Variants in STPG1 observed in about 807,000 individuals in gnomAD.
The protein encoded by STPG1 is sperm tail PG-rich repeat containing 1.
In STPG1, 33 loss-of-function variants were observed where a neutral mutation model predicts 40.1. The ratio of observed to expected loss-of-function variants is 0.82; its 90% CI spans 0.62 to 1.10. STPG1 has a LOEUF of 1.10. STPG1 is among the 50% of genes least tolerant of loss of function. The probability of loss-of-function intolerance (pLI) is 0.00; values close to 1 mark genes in which losing one functional copy is unlikely to be tolerated. For missense variants in STPG1, 396 were observed against 415.1 expected (o/e 0.95, Z 0.40); for synonymous variants, 150 against 155.0 (o/e 0.97, Z 0.24).
chr1:24,372,880 A>G (rs1203782502), intron 6 of STPG1, among the ~76,000 whole-genome samples: 4 of 151,984 alleles, frequency 2.6e-5, no homozygotes, highest in African/African-American at 9.7e-5. Context: ...TGTGGGACCT[A>G]TTTGGGATAA....
chr1:24,409,077 A>G (rs1643516585), intron 1 of STPG1, among the ~76,000 whole-genome samples: 1 of 152,358 alleles, frequency 6.6e-6, no homozygotes, highest in South Asian at 2.1e-4. Flanking sequence ...CTATAAAAGC[A>G]GCCCCTAGGG....
chr1:24,412,349 ACT>A (rs1282592594), intron 1 of STPG1, among the ~76,000 whole-genome samples: 1 of 151,604 alleles, frequency 6.6e-6, no homozygotes, highest in Admixed American at 6.6e-5. Context: ...AATTCACGAG[ACT>A]CTCTGCTCAA....
intron 5 of STPG1, chr1:24,379,347 T>C: frequency 3.5e-6 from 1 of 288,366 alleles, no homozygotes. Flanking sequence ...ATACACCCAT[T>C]GTTACAGATG....
chr1:24,363,959 T>G (rs1386367410), intron 7 of STPG1, among the ~76,000 whole-genome samples: 1 of 152,110 alleles, frequency 6.6e-6, no homozygotes, highest in East Asian at 1.9e-4. Context: ...CTTCTGATAC[T>G]CCCCACTTAC....
chr1:24,390,481 C>T (rs1013293297), intron 3 of STPG1, among the ~76,000 whole-genome samples: 15 of 152,158 alleles, frequency 9.9e-5, no homozygotes, highest in Admixed American at 7.2e-4. Context: ...TCCAGTAGTG[C>T]GATCTCGGCT....
chr1:24,408,080 G>C (rs1040004427), intron 1 of STPG1, among the ~76,000 whole-genome samples: 2 of 152,180 alleles, frequency 1.3e-5, no homozygotes, highest in African/African-American at 4.8e-5. Context: ...TGGGTGCTGG[G>C]TTTTGATATA....
chr1:24,388,977 G>C (rs1469081073), intron 3 of STPG1, among the ~76,000 whole-genome samples: 1 of 152,200 alleles, frequency 6.6e-6, no homozygotes, highest in African/African-American at 2.4e-5. Flanking sequence ...CGGAAAGCCT[G>C]ATTGATGGAT....
rs1241731791 is a variant in STPG1 at position 24,390,725 on chromosome 1, A to C, written c.189+836T>G. ...TGAGCCACTGCACCCGGCTAATAACACATTGTTTAAGGAAGTTTTTTTTGT... is the reference window on the plus strand; with the variant it reads ...TGAGCCACTGCACCCGGCTAATAACCCATTGTTTAAGGAAGTTTTTTTTGT... On this transcript the variant is annotated intron_variant, in intron 3 of 8. Coordinates refer to ENST00000337248, the MANE Select transcript of STPG1 (RefSeq NM_001199013.2). 6.7e-5 allele frequency among the ~76,000 whole-genome samples: 10 copies of C among 148,820 alleles called. No homozygotes were observed. The Admixed American group carries it at 6.8e-4, about 10-fold the overall frequency.
At chr1:24,409,852 A>G (rs1186632199) in intron 1 of STPG1, among the ~76,000 whole-genome samples, 2 of 152,222 alleles carry the variant, frequency 1.3e-5, no homozygotes, top group African/African-American at 4.8e-5. Context: ...CCCAAAGCAC[A>G]AGAGTAGTGA....
At chr1:24,404,366 G>A (rs761770300) in intron 1 of STPG1, among the ~76,000 whole-genome samples, 1 of 152,172 alleles carries the variant, frequency 6.6e-6, no homozygotes, top group Non-Finnish European at 1.5e-5. Context: ...CTGTGTTTAT[G>A]AGGGCTATTA....
At position 24,359,211 on chromosome 1, in the gene STPG1, C is replaced by T. The variant is rs7554389; in HGVS notation, c.929-592G>A. ...AGGCAGATGCCGGCACGTGCACGTG[C>T]CCAGGAAACCCCTCGCAGAAGCCCA... On this transcript the variant is annotated intron_variant, in intron 8 of 8. Coordinates refer to ENST00000337248, the MANE Select transcript of STPG1 (RefSeq NM_001199013.2). This position sits in a 1 kb window ranked among gnomAD's most constrained non-coding sequence, Gnocchi z 5.3. Among the ~76,000 whole-genome samples, 2,558 of 152,304 alleles carry T rather than the reference C, an allele frequency of 0.017. 88 individuals are homozygous for T. Among genetic ancestry groups the T allele is most frequent in the African/African-American group, 0.058 (2,395 of 41,548 alleles).
chr1:24,413,537 C>T (rs1366963000), intron 1 of STPG1, 137 bp downstream of exon 1: 2 of 152,348 alleles, frequency 1.3e-5, no homozygotes, highest in Non-Finnish European at 2.9e-5. Context: ...GGGGCTCCAC[C>T]TAGCTCAGCC....
At chr1:24,376,822 GC>G (rs1642048609) in intron 5 of STPG1, among the ~76,000 whole-genome samples, 3 of 152,150 alleles carry the variant, frequency 2.0e-5, no homozygotes, top group Admixed American at 6.5e-5. Context: ...CAATGGCTAA[GC>G]CCCTTTCTGA....
Position 24,377,001 on chromosome 1 carries a change from C to T in STPG1, c.462+2652G>A, listed in dbSNP as rs146495996. The stretch of plus-strand genomic sequence containing the variant: ...ATTGGCTGGAAGCTGTGGCTCATGC[C>T]TGTAATCCCAGCACTTTGGGAGGCC... On this transcript the variant is annotated intron_variant, in intron 5 of 8. Transcript: ENST00000337248. Among the ~76,000 whole-genome samples, 664 of 152,196 alleles carry T rather than the reference C, an allele frequency of 4.4e-3. 5 individuals are homozygous for T. Among genetic ancestry groups the T allele is most frequent in the African/African-American group, 0.015 (631 of 41,528 alleles).
intron 2 of STPG1, among the ~76,000 whole-genome samples, chr1:24,395,962 G>A (rs567776723): frequency 3.5e-5 from 5 of 143,368 alleles, no homozygotes; most frequent in South Asian, 2.3e-4. Context: ...CAGCCTGAGC[G>A]ACACAGCAAG....
At chr1:24,360,182 C>T (rs1357939443) in intron 8 of STPG1, among the ~76,000 whole-genome samples, 2 of 152,204 alleles carry the variant, frequency 1.3e-5, no homozygotes, top group Non-Finnish European at 2.9e-5. Flanking sequence ...CAGTGGCTCA[C>T]GCCTGTAATC....
rs2148673998 is a variant in STPG1, at chr1:24,359,492, G to T, written c.929-873C>A. ...AGATCAAACCTCTACAGCCTTGCTG[G>T]TGTGATTATCACCACATTTGCAAGG... On this transcript the variant is annotated intron_variant, in intron 8 of 8. Coordinates refer to ENST00000337248, the MANE Select transcript of STPG1 (RefSeq NM_001199013.2). The surrounding 1 kb of genome is among the most constrained non-coding windows in gnomAD (Gnocchi z 5.3). Among the ~76,000 whole-genome samples, 1 of 152,314 alleles carries T rather than the reference G, an allele frequency of 6.6e-6. No homozygotes were observed. Among genetic ancestry groups the T allele is most frequent in the South Asian group, 2.1e-4 (1 of 4,834 alleles).
chr1:24,379,714 A>G lies in STPG1; in HGVS notation c.401T>C (p.Phe134Ser), dbSNP rs1409329316. 1.2e-6 allele frequency: 2 copies of G among 1,614,106 alleles called. No homozygotes were observed. Among genetic ancestry groups the G allele is most frequent in the Non-Finnish European group, 1.7e-6 (2 of 1,180,046 alleles). ...RDFSNSCSSMFQLPSFMKALK... is the reference protein window; with the variant it reads ...RDFSNSCSSMSQLPSFMKALK... ...AGCTTTCATAAAGCTTGGCAACTGG[A>G]ACATGCTGGAACACGAATTACTAAA... The change falls in exon 5 of 9, where the codon TTC becomes TCC. Residue 134 changes from phenylalanine to serine, a missense_variant. Transcript: ENST00000337248.
At chr1:24,406,812 G>A (rs185287523) in intron 1 of STPG1, among the ~76,000 whole-genome samples, 131 of 152,150 alleles carry the variant, frequency 8.6e-4, no homozygotes, top group African/African-American at 3.1e-3. Context: ...GCTTTTCTGT[G>A]TATCACTTTC....
Sources: gnomAD v4.1 joint callset for allele counts (sites outside exome capture counted in the v4.1 genomes callset) on GRCh38, gnomAD v4.1.1 for gene constraint, Gnocchi (gnomAD v3.1) non-coding constraint, MANE v1.5 for transcripts, NCBI Gene and HGNC (gene_info 2026-07-23, HGNC 2026-07-21) for gene names.